RPTOR: variants seen among roughly 807,000 people sequenced by gnomAD.
RPTOR encodes regulatory associated protein of MTOR complex 1.
RPTOR carries 21 observed loss-of-function variants against 169.9 expected under a neutral mutation model. The observed-to-expected ratio is 0.12, with a 90% confidence interval of 0.09 to 0.18. The LOEUF is 0.18. Among genes scored for constraint, RPTOR ranks in the 10% least tolerant of loss-of-function variants. The pLI is 1.00. For missense variants in RPTOR, 1,133 were observed against 1,855.9 expected (o/e 0.61, Z 7.16); for synonymous variants, 732 against 753.2 (o/e 0.97, Z 0.46).
At chr17:80,880,210 C>G (rs775143793) in intron 13 of RPTOR, among the ~76,000 whole-genome samples, 1 of 152,142 alleles carries the variant, frequency 6.6e-6, no homozygotes, top group East Asian at 1.9e-4. Context: ...TCTGGGCGTT[C>G]GTGGGATCCC....
At chr17:80,822,927 G>A (rs2067398420) in intron 8 of RPTOR, 152 bp from the exon 9 acceptor site, 2 of 762,978 alleles carry the variant, frequency 2.6e-6, no homozygotes, top group African/African-American at 1.8e-5. Context: ...GTGTGTACGT[G>A]TGTGTTTAAG....
At chr17:80,852,882 C>G (rs561278106) in intron 11 of RPTOR, among the ~76,000 whole-genome samples, 2 of 152,210 alleles carry the variant, frequency 1.3e-5, no homozygotes, top group South Asian at 4.1e-4. Context: ...TCCCCTCCCC[C>G]GATCCTCCAC....
chr17:80,852,803 G>A (rs1038507977), intron 11 of RPTOR, among the ~76,000 whole-genome samples: 4 of 151,846 alleles, frequency 2.6e-5, no homozygotes, highest in South Asian at 2.1e-4. Flanking sequence ...CTCCTGACTC[G>A]GTGGCTCCTC....
Position 80,845,897 on chromosome 17 carries a change from C to T in RPTOR, c.1213-576C>T, listed in dbSNP as rs1304309185. ...TGCTGGTTTGTGGCTCTGCCCTGGA[C>T]GTTGCTCCCTGGCGTCCAGACCTTT... On this transcript the variant is annotated intron_variant, in intron 10 of 33. Coordinates refer to ENST00000306801, the MANE Select transcript of RPTOR (RefSeq NM_020761.3). The surrounding 1 kb of genome is among the most constrained non-coding windows in gnomAD (Gnocchi z 5.4). Among the ~76,000 whole-genome samples the T allele has an allele frequency of 5.3e-5, 8 of 152,190 alleles. No individual in the cohort carries two copies. Among genetic ancestry groups the T allele is most frequent in the African/African-American group, 1.2e-4 (5 of 41,438 alleles).
At chr17:80,895,293 G>A (rs534800725) in intron 20 of RPTOR, among the ~76,000 whole-genome samples, 36 of 152,144 alleles carry the variant, frequency 2.4e-4, no homozygotes, top group Non-Finnish European at 3.7e-4. Flanking sequence ...CCCCCATCTG[G>A]CAGCACCTTC....
intron 3 of RPTOR, among the ~76,000 whole-genome samples, chr17:80,665,093 A>C (rs1055182368): frequency 6.6e-6 from 1 of 151,924 alleles, no homozygotes; most frequent in Non-Finnish European, 1.5e-5. Flanking sequence ...TTGGGCAAGG[A>C]CTTTACCTGT....
chr17:80,650,355 A>G (rs1473942122), intron 3 of RPTOR, among the ~76,000 whole-genome samples: 1 of 152,202 alleles, frequency 6.6e-6, no homozygotes, highest in African/African-American at 2.4e-5. Context: ...TGCCTAGGGA[A>G]GATTGGTGGA....
chr17:80,674,149 G>A (rs1410584780), intron 3 of RPTOR, among the ~76,000 whole-genome samples: 2 of 152,186 alleles, frequency 1.3e-5, no homozygotes, highest in African/African-American at 4.8e-5. Flanking sequence ...AGCGGAATTT[G>A]TGTTGCTCTG....
chr17:80,567,854 A>C (rs916023665), intron 1 of RPTOR, among the ~76,000 whole-genome samples: 19 of 151,686 alleles, frequency 1.3e-4, no homozygotes, highest in African/African-American at 4.6e-4. Context: ...TCTTAGAAAT[A>C]AATTTTAAAA....
intron 1 of RPTOR, among the ~76,000 whole-genome samples, chr17:80,564,681 G>A (rs912033967): frequency 2.7e-5 from 4 of 148,190 alleles, no homozygotes; most frequent in Non-Finnish European, 4.5e-5. Context: ...TGTACAGATT[G>A]TTTTGTCAGC....
At chr17:80,612,952 G>T (rs766940615) in intron 1 of RPTOR, among the ~76,000 whole-genome samples, 4 of 152,196 alleles carry the variant, frequency 2.6e-5, no homozygotes, top group Non-Finnish European at 5.9e-5. Flanking sequence ...ATATATAAGC[G>T]TGTATGTATA....
rs1309929331 is a variant in RPTOR, at chr17:80,966,132, C to A, written c.*1802C>A. On this transcript the variant is annotated 3_prime_UTR_variant, in exon 34 of 34. Transcript: ENST00000306801. ...AGGGGTCAAGACCCCCCCCCGCCCC[C>A]GCTCCACCCTGGAGCCCACCCCCAT... 1 of 223,662 alleles carries A rather than the reference C, an allele frequency of 4.5e-6. No individual in the cohort carries two copies. Among genetic ancestry groups the A allele is most frequent in the African/African-American group, 2.3e-5 (1 of 43,950 alleles). The allele number at this position is 223,662 out of a possible 1,614,324, so 13.9% of individuals were successfully genotyped here.
intron 1 of RPTOR, among the ~76,000 whole-genome samples, chr17:80,602,138 G>T (rs2065191835): frequency 1.5e-5 from 1 of 66,780 alleles, no homozygotes; most frequent in Admixed American, 1.1e-4. Flanking sequence ...TTCCCAGTAG[G>T]GGCGGCCGGG....
Position 80,923,842 on chromosome 17 carries a change from GTCCTCACTCGTGCAC to G in RPTOR, c.2808+170_2808+184del, listed in dbSNP as rs2068778204. On this transcript the variant is annotated intron_variant, in intron 23 of 33. Transcript: ENST00000306801. The stretch of plus-strand genomic sequence containing the variant: ...TCTGCCTTTGCAGACCCGGGTGCTG[GTCCTCACTCGTGCAC>G]CCCTCTGCCTGCACTCCTTAGGAGC... 8.6e-6 allele frequency: 6 copies of G among 695,420 alleles called. No homozygotes were observed. The South Asian group carries it at 1.2e-4, about 13-fold the overall frequency. The allele number at this position is 695,420 out of a possible 1,614,324, so 43.1% of individuals were successfully genotyped here. A position where few individuals can be genotyped will look rare whatever the true frequency, so the allele number is the denominator to read the frequency against.
chr17:80,807,983 A>G (rs1212973278), intron 7 of RPTOR, among the ~76,000 whole-genome samples: 1 of 152,208 alleles, frequency 6.6e-6, no homozygotes, highest in Non-Finnish European at 1.5e-5. Context: ...TTTAGAAACT[A>G]TAACGTGCAT....
rs188019246 is a variant in RPTOR at position 80,907,643 on chromosome 17, C to G, written c.2402-1168C>G. ...GCCCACATAGCCCGTGCCTGCCCCC[C>G]CTTCTGGTTTCCAAGTGCTCACAGC... On this transcript the variant is annotated intron_variant, in intron 20 of 33. Coordinates refer to ENST00000306801, the MANE Select transcript of RPTOR (RefSeq NM_020761.3). Among the ~76,000 whole-genome samples the G allele has an allele frequency of 1.8e-3, 260 of 143,786 alleles. 2 individuals are homozygous for G. The highest frequency in any genetic ancestry group is 5.4e-3 in the African/African-American group (220 of 40,956). The allele number at this position is 143,786 out of a possible 152,430, so 94.3% of individuals were successfully genotyped here. A position where few individuals can be genotyped will look rare whatever the true frequency, so the allele number is the denominator to read the frequency against.
intron 13 of RPTOR, among the ~76,000 whole-genome samples, chr17:80,862,232 C>T (rs2067924836): frequency 6.6e-6 from 1 of 152,150 alleles, no homozygotes; most frequent in African/African-American, 2.4e-5. Flanking sequence ...AATTTCTTAA[C>T]CAGCTTGTTG....
rs2065255176 is a variant in RPTOR at position 80,609,588 on chromosome 17, T to C, written c.163-16103T>C. On this transcript the variant is annotated intron_variant, in intron 1 of 33. Coordinates refer to ENST00000306801, the MANE Select transcript of RPTOR (RefSeq NM_020761.3). This position sits in a 1 kb window ranked among gnomAD's most constrained non-coding sequence, Gnocchi z 4.8. ...GGTGAAACCCCATCTCTACTAAAAA[T>C]AGAAAAATTAGCCGGGCATGATGGC... is the stretch of plus-strand genomic sequence containing the variant. 6.6e-6 allele frequency among the ~76,000 whole-genome samples: 1 copy of C among 151,920 alleles called. No homozygotes were observed.
At position 80,845,331 on chromosome 17, in the gene RPTOR, A is replaced by T. The variant is rs2067716316; in HGVS notation, c.1213-1142A>T. Among the ~76,000 whole-genome samples the T allele has an allele frequency of 6.6e-6, 1 of 151,134 alleles. No homozygotes were observed. The highest frequency in any genetic ancestry group is 1.5e-5 in the Non-Finnish European group (1 of 67,716). On this transcript the variant is annotated intron_variant, in intron 10 of 33. Transcript: ENST00000306801. The surrounding 1 kb of genome is among the most constrained non-coding windows in gnomAD (Gnocchi z 5.4). ...GCCGCCTGACATTCTGACCCCAAGCATTTTTTTTGGTCTCCCTCACCCGCG... is the reference window on the plus strand; with the variant it reads ...GCCGCCTGACATTCTGACCCCAAGCTTTTTTTTTGGTCTCCCTCACCCGCG...
Sources: allele counts gnomAD v4.1 joint callset (sites outside exome capture counted in the v4.1 genomes callset), GRCh38; gene constraint gnomAD v4.1.1; non-coding constraint Gnocchi (gnomAD v3.1); transcripts MANE v1.5; gene names NCBI Gene and HGNC (gene_info 2026-07-23, HGNC 2026-07-21).